Variants in SERPINI1 observed in about 807,000 individuals in gnomAD.
The protein encoded by SERPINI1 is serpin family I member 1.
Under a neutral mutation model 41.1 loss-of-function variants are expected in SERPINI1, and 19 were observed. That is an observed-to-expected ratio of 0.46 (90% CI 0.32 to 0.68). The LOEUF is 0.68. Ranked by LOEUF, SERPINI1 falls within the 30% of genes least tolerant of loss-of-function variation. SERPINI1 has a pLI of 0.03. For synonymous variants in SERPINI1, 138 were observed against 156.6 expected (o/e 0.88, Z 0.89); for missense variants, 460 against 479.2 (o/e 0.96, Z 0.37).
intron 1 of SERPINI1, among the ~76,000 whole-genome samples, chr3:167,744,879 A>C (rs1725819598): frequency 7.2e-6 from 1 of 138,636 alleles, no homozygotes; most frequent in Non-Finnish European, 1.5e-5. Context: ...ATATATATAT[A>C]TCAACTGAAT....
chr3:167,807,206 G>A, intron 5 of SERPINI1, 38 bp from the exon 6 acceptor site: 5 of 1,306,968 alleles, frequency 3.8e-6, no homozygotes, highest in Non-Finnish European at 5.6e-6. Flanking sequence ...GTAACAAGAT[G>A]CTCTAACTAA....
intron 1 of SERPINI1, among the ~76,000 whole-genome samples, chr3:167,774,598 G>T (rs1280761474): frequency 3.3e-5 from 5 of 152,112 alleles, no homozygotes; most frequent in Admixed American, 1.3e-4. Flanking sequence ...GTGGGCAAGC[G>T]AGAATTACCA....
At chr3:167,769,605 A>T (rs1726677451) in intron 1 of SERPINI1, among the ~76,000 whole-genome samples, 1 of 152,142 alleles carries the variant, frequency 6.6e-6, no homozygotes, top group Non-Finnish European at 1.5e-5. Context: ...GATTATAGAC[A>T]TATTCTACAA....
At chr3:167,744,905 G>A (rs1223329633) in intron 1 of SERPINI1, among the ~76,000 whole-genome samples, 1 of 140,616 alleles carries the variant, frequency 7.1e-6, no homozygotes, top group Non-Finnish European at 1.5e-5. Context: ...ATTGAGTATT[G>A]AAGGGTGCCA....
intron 1 of SERPINI1, among the ~76,000 whole-genome samples, chr3:167,772,139 G>A (rs1231028570): frequency 1.3e-5 from 2 of 152,102 alleles, no homozygotes; most frequent in African/African-American, 4.8e-5. Context: ...CTTGTTATGA[G>A]CATTAGCAAT....
At chr3:167,823,161 G>C in intron 7 of SERPINI1, 89 bp downstream of exon 7, 2 of 902,782 alleles carry the variant, frequency 2.2e-6, no homozygotes, top group Admixed American at 3.5e-5. Context: ...TCAAAATGAA[G>C]CCAAAAAAGT....
chr3:167,754,965 T>C (rs1026997437), intron 1 of SERPINI1, among the ~76,000 whole-genome samples: 1 of 152,218 alleles, frequency 6.6e-6, no homozygotes, highest in African/African-American at 2.4e-5. Context: ...CTTTCTTTCC[T>C]GCTGTTCACA....
chr3:167,760,920 CTTGTGTCA>C (rs1207077709), intron 1 of SERPINI1, among the ~76,000 whole-genome samples: 1 of 152,108 alleles, frequency 6.6e-6, no homozygotes, highest in African/African-American at 2.4e-5. Flanking sequence ...GGATCTTGAG[CTTGTGTCA>C]TTGTTTTGGT....
At chr3:167,808,631 A>C (rs1262951956) in intron 6 of SERPINI1, among the ~76,000 whole-genome samples, 2 of 152,160 alleles carry the variant, frequency 1.3e-5, no homozygotes, top group Non-Finnish European at 2.9e-5. Flanking sequence ...TAAAGGAGAG[A>C]ATTTAGTTTT....
At chr3:167,773,648 C>T (rs753828867) in intron 1 of SERPINI1, among the ~76,000 whole-genome samples, 1 of 152,094 alleles carries the variant, frequency 6.6e-6, no homozygotes, top group Non-Finnish European at 1.5e-5. Context: ...CACTGATGAA[C>T]AGGAACAGGA....
intron 6 of SERPINI1, among the ~76,000 whole-genome samples, chr3:167,816,192 A>T (rs1214384374): frequency 6.6e-6 from 1 of 151,974 alleles, no homozygotes; most frequent in African/African-American, 2.4e-5. Context: ...TACCACGCCC[A>T]GCTAGTTTTT....
intron 1 of SERPINI1, among the ~76,000 whole-genome samples, chr3:167,762,431 T>C (rs1726417825): frequency 6.6e-6 from 1 of 152,184 alleles, no homozygotes. Context: ...ACCCAGCTAC[T>C]GTTCTTCAAG....
At chr3:167,799,393 T>C (rs144065167) in intron 5 of SERPINI1, among the ~76,000 whole-genome samples, 1,769 of 152,340 alleles carry the variant, frequency 0.012, 14 homozygotes, top group Middle Eastern at 0.037. Flanking sequence ...TATGGCTGCA[T>C]AATATTCCAT....
At chr3:167,791,315 C>A (rs1727500061) in intron 3 of SERPINI1, among the ~76,000 whole-genome samples, 2 of 151,928 alleles carry the variant, frequency 1.3e-5, no homozygotes, top group South Asian at 4.1e-4. Flanking sequence ...CAAAGCTACC[C>A]AAATCATGTT....
In SERPINI1 at chr3:167,792,403, A is replaced by AGT. The variant is rs113251395; in HGVS notation, c.482-178_482-177dup. Among the ~76,000 whole-genome samples the AGT allele has an allele frequency of 3.3e-4, 50 of 151,284 alleles. No homozygotes were observed. The East Asian group carries it at 4.9e-3, about 15-fold the overall frequency. On this transcript the variant is annotated intron_variant, in intron 3 of 8. Coordinates refer to ENST00000446050, the MANE Select transcript of SERPINI1 (RefSeq NM_001122752.2). The stretch of plus-strand genomic sequence containing the variant: ...TACACACACACATATATATATATGT[A>AGT]GTGTGTGTGTATGTGTGTGTGTATA...
At chr3:167,739,480 G>A (rs914921570) in intron 1 of SERPINI1, among the ~76,000 whole-genome samples, 1 of 152,148 alleles carries the variant, frequency 6.6e-6, no homozygotes, top group Non-Finnish European at 1.5e-5. Flanking sequence ...CACTGTGTGC[G>A]CTGCAAATAC....
At chr3:167,756,500 G>A (rs927217499) in intron 1 of SERPINI1, among the ~76,000 whole-genome samples, 1 of 152,000 alleles carries the variant, frequency 6.6e-6, no homozygotes, top group Non-Finnish European at 1.5e-5. Context: ...AGTAGAGATA[G>A]AGTTTCACCA....
intron 1 of SERPINI1, among the ~76,000 whole-genome samples, chr3:167,781,634 CTTTTTTTTTT>C (rs757785091): frequency 1.2e-4 from 10 of 81,750 alleles, no homozygotes; most frequent in Non-Finnish European, 2.4e-4. Flanking sequence ...TTCTTTTGGC[CTTTTTTTTTT>C]TTTTTTTTTT....
In SERPINI1 at chr3:167,794,839, T is replaced by G. The variant is rs1214620302; in HGVS notation, c.881+15T>G. 6.2e-7 allele frequency: 1 copy of G among 1,608,348 alleles called. No individual in the cohort carries two copies. The highest frequency in any genetic ancestry group is 1.7e-5 in the Admixed American group (1 of 59,840). ...TACCTGCCCAGGTATGAGGTTCCTG[T>G]GTCACCCGTCCCACAGCATGGACGA... On this transcript the variant is annotated intron_variant, in intron 5 of 8. Coordinates refer to ENST00000446050, the MANE Select transcript of SERPINI1 (RefSeq NM_001122752.2).
Sources: allele counts gnomAD v4.1 joint callset (sites outside exome capture counted in the v4.1 genomes callset), GRCh38; gene constraint gnomAD v4.1.1; transcripts MANE v1.5; gene names NCBI Gene and HGNC (gene_info 2026-07-23, HGNC 2026-07-21).